CASZ1: variants seen among roughly 807,000 people sequenced by gnomAD.
The protein encoded by CASZ1 is zinc finger protein castor homolog 1.
CASZ1 carries 28 observed loss-of-function variants against 135.2 expected under a neutral mutation model. That is an observed-to-expected ratio of 0.21 (90% CI 0.15 to 0.28). The LOEUF (loss-of-function observed/expected upper bound fraction) is 0.28. Ranked by LOEUF, CASZ1 falls within the 10% of genes least tolerant of loss-of-function variation. CASZ1 has a pLI of 1.00. For missense variants in CASZ1, 2,161 were observed against 2,453.3 expected (o/e 0.88, Z 2.52); for synonymous variants, 1,068 against 1,073.4 (o/e 0.99, Z 0.10).
chr1:10,694,830 G>C lies in CASZ1; in HGVS notation c.-23-918C>G, dbSNP rs1236600672. The stretch of plus-strand genomic sequence containing the variant: ...GGGCTGGCGGGAGGGGACCCGGCGC[G>C]GGGCGGGGAACGCGGCCCGAGTAAG... On this transcript the variant is annotated intron_variant, in intron 3 of 20. Coordinates refer to ENST00000377022, the MANE Select transcript of CASZ1 (RefSeq NM_001079843.3). The surrounding 1 kb of genome is among the most constrained non-coding windows in gnomAD (Gnocchi z 6.6). 6.2e-5 allele frequency among the ~76,000 whole-genome samples: 9 copies of C among 145,152 alleles called. No individual in the cohort carries two copies. The highest frequency in any genetic ancestry group is 2.2e-4 in the African/African-American group (9 of 40,610).
At chr1:10,781,575 C>A (rs1054621912) in intron 1 of CASZ1, among the ~76,000 whole-genome samples, 5 of 152,194 alleles carry the variant, frequency 3.3e-5, no homozygotes, top group Non-Finnish European at 5.9e-5. Context: ...TTGCTATTGG[C>A]GAACATGCTC....
At chr1:10,729,361 C>T (rs1639661245) in intron 2 of CASZ1, among the ~76,000 whole-genome samples, 1 of 152,178 alleles carries the variant, frequency 6.6e-6, no homozygotes, top group Non-Finnish European at 1.5e-5. Context: ...GCGGGGCAGC[C>T]GGGCCCAGGT....
intron 9 of CASZ1, 21 bp from the exon 10 acceptor site, chr1:10,654,612 G>A: frequency 6.2e-7 from 1 of 1,609,460 alleles, no homozygotes; most frequent in Non-Finnish European, 8.5e-7. Flanking sequence ...CGGGATGGTG[G>A]TCAGGCGAAC....
rs1212625170 is a variant in CASZ1, at chr1:10,700,111, A to ACACACACACACCCACACCCACC, written c.-24+5380_-24+5381insGGTGGGTGTGGGTGTGTGTGTG. On this transcript the variant is annotated intron_variant, in intron 3 of 20. Coordinates refer to ENST00000377022, the MANE Select transcript of CASZ1 (RefSeq NM_001079843.3). The surrounding 1 kb of genome is among the most constrained non-coding windows in gnomAD (Gnocchi z 4.2). ...CACACACACACACACACACACACAC[A>ACACACACACACCCACACCCACC]CACACAGAGTATGAAGCAGGGACCT... Among the ~76,000 whole-genome samples the ACACACACACACCCACACCCACC allele has an allele frequency of 6.6e-6, 1 of 151,906 alleles. No individual in the cohort carries two copies. Among genetic ancestry groups the ACACACACACACCCACACCCACC allele is most frequent in the South Asian group, 2.1e-4 (1 of 4,804 alleles).
Position 10,693,912 on chromosome 1 carries a change from T to A in CASZ1, c.-23A>T, listed in dbSNP as rs1638846828. On this transcript the variant is annotated splice_region_variant and 5_prime_UTR_variant, in exon 4 of 21. Coordinates refer to ENST00000377022, the MANE Select transcript of CASZ1 (RefSeq NM_001079843.3). ...CATTCTCTTCTCCTTGGTCCCAAAC[T>A]CTTCGCAGAACGCCACCAGGGGAAG... The A allele has an allele frequency of 6.2e-7, 1 of 1,612,608 alleles. No homozygotes were observed. Among genetic ancestry groups the A allele is most frequent in the East Asian group, 2.2e-5 (1 of 44,744 alleles).
Position 10,697,928 on chromosome 1 carries a change from G to A in CASZ1, c.-23-4016C>T, listed in dbSNP as rs1482235365. 6.6e-6 allele frequency among the ~76,000 whole-genome samples: 1 copy of A among 152,258 alleles called. No individual in the cohort carries two copies. Among genetic ancestry groups the A allele is most frequent in the Non-Finnish European group, 1.5e-5 (1 of 68,054 alleles). Reference sequence around the variant, plus strand: ...GGGGCCGATGGAGGGAGGGTGTCGGGAAAGCTGTGAGCCAGCGAAGTGGAC... The same window carrying A: ...GGGGCCGATGGAGGGAGGGTGTCGGAAAAGCTGTGAGCCAGCGAAGTGGAC... On this transcript the variant is annotated intron_variant, in intron 3 of 20. Coordinates refer to ENST00000377022, the MANE Select transcript of CASZ1 (RefSeq NM_001079843.3). This position sits in a 1 kb window ranked among gnomAD's most constrained non-coding sequence, Gnocchi z 4.7.
chr1:10,647,397 C>A lies in CASZ1; in HGVS notation c.3497+404G>T, dbSNP rs1023839079. The stretch of plus-strand genomic sequence containing the variant: ...GGCCTGGCCCCTACCCGTGACTTCA[C>A]GTGCCCTGCAGAGATTCAGCCATGG... On this transcript the variant is annotated intron_variant, in intron 16 of 20. Transcript: ENST00000377022. The surrounding 1 kb of genome is among the most constrained non-coding windows in gnomAD (Gnocchi z 4.9). 7.4e-6 allele frequency: 8 copies of A among 1,082,618 alleles called. No individual in the cohort carries two copies. In the South Asian group the frequency reaches 2.2e-4, roughly 30 times the overall value. The allele number at this position is 1,082,618 out of a possible 1,614,324, so 67.1% of individuals were successfully genotyped here.
rs1229420652 is a variant in CASZ1, at chr1:10,735,120, A to C, written c.-77+25581T>G. On this transcript the variant is annotated intron_variant, in intron 2 of 20. Coordinates refer to ENST00000377022, the MANE Select transcript of CASZ1 (RefSeq NM_001079843.3). This position sits in a 1 kb window ranked among gnomAD's most constrained non-coding sequence, Gnocchi z 5.1. The stretch of plus-strand genomic sequence containing the variant: ...GAGTTGCCCTTAGCAACCTAATTGC[A>C]TCAGTACATTGCACACAGGAGCCAA... Among the ~76,000 whole-genome samples the C allele has an allele frequency of 6.6e-6, 1 of 152,244 alleles. No individual in the cohort carries two copies. Among genetic ancestry groups the C allele is most frequent in the Non-Finnish European group, 1.5e-5 (1 of 68,054 alleles).
Position 10,755,439 on chromosome 1 carries a change from C to T in CASZ1, c.-77+5262G>A, listed in dbSNP as rs963010741. On this transcript the variant is annotated intron_variant, in intron 2 of 20. Transcript: ENST00000377022. This position sits in a 1 kb window ranked among gnomAD's most constrained non-coding sequence, Gnocchi z 4.3. ...CTCAGGGACAGAGGCAGGGCAGAGG[C>T]GCTTCTCTCTTCGTCCACCACACCG... 1.3e-5 allele frequency among the ~76,000 whole-genome samples: 2 copies of T among 152,184 alleles called. No individual in the cohort carries two copies. The highest frequency in any genetic ancestry group is 4.8e-5 in the African/African-American group (2 of 41,452).
At chr1:10,693,401 C>A (rs191371791) in intron 4 of CASZ1, among the ~76,000 whole-genome samples, 214 of 151,046 alleles carry the variant, frequency 1.4e-3, no homozygotes, top group African/African-American at 5.1e-3. Flanking sequence ...ACCACCTTTC[C>A]CAACAGGACG....
In CASZ1 at chr1:10,666,563, C is replaced by T. The variant is rs79313976; in HGVS notation, c.17-992G>A. 0.043 allele frequency among the ~76,000 whole-genome samples: 6,592 copies of T among 152,276 alleles called. 167 individuals carry two copies. The highest frequency in any genetic ancestry group is 0.068 in the Non-Finnish European group (4,606 of 68,028). On this transcript the variant is annotated intron_variant, in intron 4 of 20. Coordinates refer to ENST00000377022, the MANE Select transcript of CASZ1 (RefSeq NM_001079843.3). The surrounding 1 kb of genome is among the most constrained non-coding windows in gnomAD (Gnocchi z 5.2). ...GGGATCGCTTAGGTCCCTCACGGAACGCCCCGAAGCGCCGGTCACAGCACC... is the reference window on the plus strand; with the variant it reads ...GGGATCGCTTAGGTCCCTCACGGAATGCCCCGAAGCGCCGGTCACAGCACC...
In CASZ1 at chr1:10,694,056, A is replaced by C; in HGVS notation, c.-23-144T>G. The C allele has an allele frequency of 1.5e-6, 1 of 680,438 alleles. No individual in the cohort carries two copies. Among genetic ancestry groups the C allele is most frequent in the Non-Finnish European group, 2.3e-6 (1 of 437,644 alleles). 42.2% of individuals were successfully genotyped at this position (680,438 alleles called of 1,614,324 possible). A position where few individuals can be genotyped will look rare whatever the true frequency, so the allele number is the denominator to read the frequency against. On this transcript the variant is annotated intron_variant, in intron 3 of 20. Coordinates refer to ENST00000377022, the MANE Select transcript of CASZ1 (RefSeq NM_001079843.3). This position sits in a 1 kb window ranked among gnomAD's most constrained non-coding sequence, Gnocchi z 6.6. Reference sequence around the variant, plus strand: ...CGGGCGCCGAGGCCGCGGCGGAGAAACTTTCTCCTCCGCGCCGCCCGCTTC... The same window carrying C: ...CGGGCGCCGAGGCCGCGGCGGAGAACCTTTCTCCTCCGCGCCGCCCGCTTC...
At chr1:10,712,464 T>A (rs893408330) in intron 2 of CASZ1, among the ~76,000 whole-genome samples, 3 of 152,194 alleles carry the variant, frequency 2.0e-5, no homozygotes, top group African/African-American at 4.8e-5. Flanking sequence ...ATCGCTTTTT[T>A]AAAAAAGCAA....
Position 10,659,805 on chromosome 1 carries a change from C to G in CASZ1, c.1237G>C (p.Gly413Arg). The change falls in exon 6 of 21, where the codon GGG becomes CGG. Residue 413 changes from glycine to arginine, a missense_variant. Coordinates refer to ENST00000377022, the MANE Select transcript of CASZ1 (RefSeq NM_001079843.3). ...VPSAPSAPGPGPEPPASLSFN... is the reference protein window; with the variant it reads ...VPSAPSAPGPRPEPPASLSFN... The stretch of plus-strand genomic sequence containing the variant: ...GACAGGGAGGCAGGAGGCTCTGGCC[C>G]TGGCCCGGGGGCGCTGGGGGCACTG... 6.2e-7 allele frequency: 1 copy of G among 1,613,732 alleles called. No individual in the cohort carries two copies. The highest frequency in any genetic ancestry group is 1.3e-5 in the African/African-American group (1 of 74,966).
Position 10,655,249 on chromosome 1 carries a change from G to A in CASZ1, c.1665+400C>T, listed in dbSNP as rs77029477. Among the ~76,000 whole-genome samples, 12 of 152,298 alleles carry A rather than the reference G, an allele frequency of 7.9e-5. No homozygotes were observed. The East Asian group carries it at 9.6e-4, about 12-fold the overall frequency. On this transcript the variant is annotated intron_variant, in intron 9 of 20. Transcript: ENST00000377022. ...GGGCTGCTATTTGCAACCCAAAGTC[G>A]CTCCTCCTGGCCCTGACACCTTGAA... is the stretch of plus-strand genomic sequence containing the variant.
intron 2 of CASZ1, among the ~76,000 whole-genome samples, chr1:10,753,791 C>CCCA (rs1640193774): frequency 6.6e-6 from 1 of 152,140 alleles, no homozygotes; most frequent in Non-Finnish European, 1.5e-5. Flanking sequence ...GGCACATATG[C>CCCA]GACCTGTGAG....
At position 10,653,721 on chromosome 1, in the gene CASZ1, C is replaced by T. The variant is rs938091498; in HGVS notation, c.2336G>A (p.Gly779Asp). 2 of 1,603,026 alleles carry T rather than the reference C, an allele frequency of 1.2e-6. No homozygotes were observed. Among genetic ancestry groups the T allele is most frequent in the African/African-American group, 1.3e-5 (1 of 74,764 alleles). Reference protein sequence around the residue: ...NSKISGLLPQGLPGSIPLALA... With the variant: ...NSKISGLLPQDLPGSIPLALA... ...GGCCAGGGGGATTGAGCCAGGCAGG[C>T]CCTGGGGCAGCAGCCCCGAGATCTT... Residue 779 changes from glycine to aspartate, a missense_variant, in exon 11 of 21, where the codon GGC becomes GAC. Around this residue, in one of 7 missense-constraint regions of CASZ1, gnomAD observed 406 missense variants for 387.6 expected, o/e 1.05. Coordinates refer to ENST00000377022, the MANE Select transcript of CASZ1 (RefSeq NM_001079843.3).
intron 17 of CASZ1, among the ~76,000 whole-genome samples, chr1:10,645,390 C>A (rs911147648): frequency 2.6e-5 from 4 of 152,094 alleles, no homozygotes; most frequent in African/African-American, 9.7e-5. Context: ...ATTAGCCGGG[C>A]GTGGTGGCGG....
intron 2 of CASZ1, among the ~76,000 whole-genome samples, chr1:10,734,917 A>T (rs1404151929): frequency 6.6e-6 from 1 of 152,004 alleles, no homozygotes; most frequent in Non-Finnish European, 1.5e-5. Flanking sequence ...TGGAGAGAAG[A>T]GGGTGGGAGA....
Sources: allele counts gnomAD v4.1 joint callset (sites outside exome capture counted in the v4.1 genomes callset), GRCh38; gene constraint gnomAD v4.1.1; regional missense constraint gnomAD v4.1.1; non-coding constraint Gnocchi (gnomAD v3.1); transcripts MANE v1.5; gene names NCBI Gene and HGNC (gene_info 2026-07-23, HGNC 2026-07-21).